Variants in MRTFA observed in about 807,000 individuals in gnomAD.
The protein encoded by MRTFA is myocardin related transcription factor A, also known as myocardin-related transcription factor A.
In MRTFA, 20 loss-of-function variants were observed where a neutral mutation model predicts 83.5. The ratio of observed to expected loss-of-function variants is 0.24; its 90% CI spans 0.17 to 0.35. MRTFA has a LOEUF of 0.35. Ranked by LOEUF, MRTFA falls within the 10% of genes least tolerant of loss-of-function variation. The pLI is 1.00. For missense variants in MRTFA, 1,200 were observed against 1,224.7 expected, an observed-to-expected ratio of 0.98 and a Z score of 0.30; for synonymous variants, 659 against 541.2, an observed-to-expected ratio of 1.22 and a Z score of -3.02.
Position 40,411,321 on chromosome 22 carries a change from C to G in MRTFA, c.*69G>C. 6.8e-7 allele frequency: 1 copy of G among 1,473,268 alleles called. No homozygotes were observed. Among genetic ancestry groups the G allele is most frequent in the Non-Finnish European group, 9.1e-7 (1 of 1,096,608 alleles). The allele number at this position is 1,473,268 out of a possible 1,614,324, so 91.3% of individuals were successfully genotyped here. The stretch of plus-strand genomic sequence containing the variant: ...ACAACCATGTGGAGAGGCCGAATCA[C>G]GCAGGAGAGCCACGCATTGGAGTAC... On this transcript the variant is annotated 3_prime_UTR_variant, in exon 15 of 15. Coordinates refer to ENST00000355630, the MANE Select transcript of MRTFA (RefSeq NM_020831.6).
At chr22:40,453,268 C>A (rs1286340100) in intron 4 of MRTFA, among the ~76,000 whole-genome samples, 1 of 152,180 alleles carries the variant, frequency 6.6e-6, no homozygotes, top group African/African-American at 2.4e-5. Context: ...AGTGAGGACA[C>A]ATCATCTCAC....
rs2052551732 is a variant in MRTFA, at chr22:40,411,859, T to G, written c.2627A>C (p.Lys876Thr). Residue 876 changes from lysine (K) to threonine (T), a missense_variant, in exon 15 of 15, where the codon AAG (lysine) becomes ACG (threonine). This residue lies in a region of MRTFA where 1,107 missense variants were observed against 1,041.8 expected (regional missense o/e 1.06). Transcript: ENST00000355630. ...CCCACAGACTGTCTTCGGGGATGGC[T>G]TCTCCTTCCCTGGCAGGGATGGCGG... 1 of 1,490,392 alleles carries G rather than the reference T, an allele frequency of 6.7e-7. No homozygotes were observed. The highest frequency in any genetic ancestry group is 1.4e-5 in the African/African-American group (1 of 71,072). The allele number at this position is 1,490,392 out of a possible 1,614,324, so 92.3% of individuals were successfully genotyped here.
chr22:40,564,629 C>T (rs916191129), intron 2 of MRTFA, among the ~76,000 whole-genome samples: 1 of 151,972 alleles, frequency 6.6e-6, no homozygotes, highest in Non-Finnish European at 1.5e-5. Context: ...CTCAATAATG[C>T]TGTAACTTTA....
chr22:40,502,818 T>G (rs904650871), intron 3 of MRTFA, among the ~76,000 whole-genome samples: 34 of 152,146 alleles, frequency 2.2e-4, no homozygotes, highest in African/African-American at 7.5e-4. Flanking sequence ...CCCGCTGAAC[T>G]CCATCCTCCC....
intron 2 of MRTFA, among the ~76,000 whole-genome samples, chr22:40,571,301 G>A (rs541943807): frequency 6.6e-6 from 1 of 152,078 alleles, no homozygotes; most frequent in Non-Finnish European, 1.5e-5. Context: ...AAATGTAAGA[G>A]ATGAAAATGT....
chr22:40,567,896 G>C (rs1051281361), intron 2 of MRTFA, among the ~76,000 whole-genome samples: 1 of 152,008 alleles, frequency 6.6e-6, no homozygotes, highest in Non-Finnish European at 1.5e-5. Context: ...CATCCTCTCC[G>C]GATAGATCAA....
intron 2 of MRTFA, among the ~76,000 whole-genome samples, chr22:40,558,932 C>T (rs774553242): frequency 6.6e-6 from 1 of 151,692 alleles, no homozygotes; most frequent in Non-Finnish European, 1.5e-5. Flanking sequence ...ATTACAGGCA[C>T]GCAACACTAC....
intron 1 of MRTFA, among the ~76,000 whole-genome samples, chr22:40,618,208 G>A (rs1432886918): frequency 6.6e-6 from 1 of 151,120 alleles, no homozygotes; most frequent in Non-Finnish European, 1.5e-5. Context: ...CCGAGTAGCT[G>A]GGACTACAGG....
chr22:40,633,268 A>G (rs2056660219), intron 1 of MRTFA, among the ~76,000 whole-genome samples: 1 of 152,218 alleles, frequency 6.6e-6, no homozygotes, highest in Non-Finnish European at 1.5e-5. Context: ...GTTCATGTTC[A>G]TCTTATATTC....
intron 7 of MRTFA, among the ~76,000 whole-genome samples, chr22:40,425,369 G>A (rs73887814): frequency 0.02 from 3,031 of 152,352 alleles, 92 homozygotes; most frequent in African/African-American, 0.068. Flanking sequence ...CAGTGGTGAA[G>A]GCAGGGGTGA....
At chr22:40,432,310 T>G (rs1008292163) in intron 5 of MRTFA, among the ~76,000 whole-genome samples, 43 of 152,012 alleles carry the variant, frequency 2.8e-4, no homozygotes, top group African/African-American at 1.0e-3. Flanking sequence ...CACTGCATGA[T>G]CTCATGGGCA....
chr22:40,416,652 G>C lies in MRTFA; in HGVS notation c.2578+334C>G, dbSNP rs145139377. The stretch of plus-strand genomic sequence containing the variant: ...CCCTCTCCTCCATTTTTGTCCTAAG[G>C]CTCCTCTCGGATCTTCCATATGATC... On this transcript the variant is annotated intron_variant, in intron 14 of 14. Coordinates refer to ENST00000355630, the MANE Select transcript of MRTFA (RefSeq NM_020831.6). The surrounding 1 kb of genome is among the most constrained non-coding windows in gnomAD (Gnocchi z 4.2). Among the ~76,000 whole-genome samples the C allele has an allele frequency of 5.3e-5, 8 of 152,198 alleles. No individual in the cohort carries two copies. Among genetic ancestry groups the C allele is most frequent in the East Asian group, 1.9e-4 (1 of 5,198 alleles).
intron 1 of MRTFA, among the ~76,000 whole-genome samples, chr22:40,598,726 C>T (rs2056221285): frequency 6.6e-6 from 1 of 151,902 alleles, no homozygotes. Context: ...GGTACAGTGG[C>T]TCACACCTGT....
chr22:40,498,292 T>C (rs1171244100), intron 3 of MRTFA, among the ~76,000 whole-genome samples: 1 of 115,282 alleles, frequency 8.7e-6, no homozygotes, highest in Non-Finnish European at 1.8e-5. Context: ...TTTTTTTTTT[T>C]TTTTTTTTTT....
chr22:40,567,924 A>G (rs1228861423), intron 2 of MRTFA, among the ~76,000 whole-genome samples: 2 of 152,232 alleles, frequency 1.3e-5, no homozygotes, highest in Non-Finnish European at 2.9e-5. Context: ...CTCCTACTTT[A>G]TAAAATGAAC....
intron 3 of MRTFA, among the ~76,000 whole-genome samples, chr22:40,521,647 C>T (rs1321721426): frequency 1.3e-5 from 2 of 151,926 alleles, no homozygotes; most frequent in East Asian, 1.9e-4. Context: ...TATGTGTGCC[C>T]GCTACCACGC....
intron 3 of MRTFA, among the ~76,000 whole-genome samples, chr22:40,507,972 CAAAAAAAAAAAAAAAA>C (rs11315930): frequency 2.7e-5 from 1 of 37,510 alleles, no homozygotes; most frequent in African/African-American, 1.1e-4. Flanking sequence ...GACTCCACCT[CAAAAAAAAAAAAAAAA>C]AAAAAAAAAA....
At chr22:40,438,391 C>T (rs542036898) in intron 4 of MRTFA, among the ~76,000 whole-genome samples, 1 of 152,330 alleles carries the variant, frequency 6.6e-6, no homozygotes, top group East Asian at 1.9e-4. Flanking sequence ...CTGTCTAAAA[C>T]CCTGGCTGAC....
chr22:40,447,053 CTTT>C (rs1436621984), intron 4 of MRTFA, among the ~76,000 whole-genome samples: 2 of 151,988 alleles, frequency 1.3e-5, no homozygotes, highest in Non-Finnish European at 2.9e-5. Flanking sequence ...CAGGGAAAGA[CTTT>C]CTGATAAGGT....
Sources: gnomAD v4.1 joint callset for allele counts (sites outside exome capture counted in the v4.1 genomes callset) on GRCh38, gnomAD v4.1.1 for gene constraint, gnomAD v4.1.1 regional missense constraint, Gnocchi (gnomAD v3.1) non-coding constraint, MANE v1.5 for transcripts, NCBI Gene and HGNC (gene_info 2026-07-23, HGNC 2026-07-21) for gene names.